Variants in LRMDA observed in about 807,000 individuals in gnomAD.
LRMDA encodes leucine rich melanocyte differentiation associated.
A neutral mutation model predicts 29.8 loss-of-function variants in LRMDA; 18 were observed. That is an observed-to-expected ratio of 0.60 (90% CI 0.42 to 0.90). The LOEUF is 0.90. Among genes scored for constraint, LRMDA ranks in the 40% least tolerant of loss-of-function variants. The pLI, the probability that LRMDA is intolerant of heterozygous loss-of-function variation, is 0.00. For synonymous variants in LRMDA, 125 were observed against 109.4 expected (o/e 1.14, Z -0.89); for missense variants, 273 against 273.9 (o/e 1.00, Z 0.02).
At chr10:75,694,182 A>T (rs770891605) in intron 2 of LRMDA, among the ~76,000 whole-genome samples, 3 of 152,208 alleles carry the variant, frequency 2.0e-5, no homozygotes, top group Non-Finnish European at 2.9e-5. Flanking sequence ...TATAATACAC[A>T]GTTAAACAGT....
At chr10:76,133,572 C>T (rs1190970012) in intron 5 of LRMDA, among the ~76,000 whole-genome samples, 1 of 151,994 alleles carries the variant, frequency 6.6e-6, no homozygotes, top group East Asian at 1.9e-4. Context: ...GAGGGGCCTG[C>T]AAACTCTGCT....
intron 5 of LRMDA, among the ~76,000 whole-genome samples, chr10:76,296,088 C>T (rs1170039090): frequency 6.6e-6 from 1 of 152,150 alleles, no homozygotes; most frequent in Non-Finnish European, 1.5e-5. Flanking sequence ...ATATGATCAC[C>T]ACACAGAACC....
chr10:75,892,719 G>C (rs1230203267), intron 2 of LRMDA, among the ~76,000 whole-genome samples: 2 of 152,164 alleles, frequency 1.3e-5, no homozygotes, highest in Non-Finnish European at 2.9e-5. Flanking sequence ...GAAGCTTGTG[G>C]TCAGGCCTCA....
In LRMDA at chr10:75,917,961, G is replaced by GCA. The variant is rs10552979; in HGVS notation, c.132-118024_132-118023dup. On this transcript the variant is annotated intron_variant, in intron 2 of 6. Coordinates refer to ENST00000611255, the MANE Select transcript of LRMDA (RefSeq NM_001305581.2). ...TGCACACCCACACATGCACATGTGC[G>GCA]CACACACACACACACACACACACAG... is the stretch of plus-strand genomic sequence containing the variant. Among the ~76,000 whole-genome samples, 1,456 of 150,024 alleles carry GCA rather than the reference G, an allele frequency of 9.7e-3. 16 individuals carry two copies. Among genetic ancestry groups the GCA allele is most frequent in the Non-Finnish European group, 0.012 (777 of 67,334 alleles).
intron 2 of LRMDA, among the ~76,000 whole-genome samples, chr10:75,738,939 C>A (rs1319656558): frequency 6.6e-6 from 1 of 152,182 alleles, no homozygotes; most frequent in Admixed American, 6.5e-5. Flanking sequence ...TTCTCGTTCA[C>A]AAGTCAGTGG....
chr10:75,626,154 A>C (rs1841247143), intron 2 of LRMDA, among the ~76,000 whole-genome samples: 1 of 151,540 alleles, frequency 6.6e-6, no homozygotes, highest in Non-Finnish European at 1.5e-5. Context: ...GAGCCACCAC[A>C]CCCGGCCAAG....
chr10:75,724,647 A>G (rs1323828502), intron 2 of LRMDA, among the ~76,000 whole-genome samples: 1 of 152,126 alleles, frequency 6.6e-6, no homozygotes, highest in Non-Finnish European at 1.5e-5. Context: ...CAGTTGCCCC[A>G]TCTCTAAATG....
intron 5 of LRMDA, among the ~76,000 whole-genome samples, chr10:76,130,776 C>T (rs1309431527): frequency 1.3e-5 from 2 of 152,172 alleles, no homozygotes; most frequent in African/African-American, 4.8e-5. Flanking sequence ...TCTCCTGCCT[C>T]GGCCTTCCAA....
intron 5 of LRMDA, among the ~76,000 whole-genome samples, chr10:76,076,526 A>G (rs1428125300): frequency 6.6e-6 from 1 of 152,076 alleles, no homozygotes; most frequent in African/African-American, 2.4e-5. Flanking sequence ...TTTTATCCTC[A>G]TGAGAGGATA....
At chr10:76,282,989 A>G (rs1330633770) in intron 5 of LRMDA, among the ~76,000 whole-genome samples, 1 of 152,180 alleles carries the variant, frequency 6.6e-6, no homozygotes, top group African/African-American at 2.4e-5. Flanking sequence ...AGAGGGAGAA[A>G]GAGGGGTCTT....
intron 2 of LRMDA, among the ~76,000 whole-genome samples, chr10:75,482,131 C>T (rs1210261449): frequency 1.3e-5 from 2 of 152,158 alleles, no homozygotes; most frequent in African/African-American, 4.8e-5. Flanking sequence ...AGTGTATACT[C>T]CTGACCACTG....
intron 2 of LRMDA, among the ~76,000 whole-genome samples, chr10:75,982,450 G>C (rs59095874): frequency 1.3e-5 from 2 of 152,102 alleles, no homozygotes; most frequent in Non-Finnish European, 2.9e-5. Flanking sequence ...TCCCATACAC[G>C]AGACCATTGT....
chr10:76,485,391 A>C (rs905634885), intron 6 of LRMDA, among the ~76,000 whole-genome samples: 10 of 151,918 alleles, frequency 6.6e-5, no homozygotes, highest in African/African-American at 2.4e-4. Flanking sequence ...ATACCACATT[A>C]TGGATAGTGT....
At chr10:75,553,593 T>C (rs1224174535) in intron 2 of LRMDA, among the ~76,000 whole-genome samples, 1 of 152,122 alleles carries the variant, frequency 6.6e-6, no homozygotes, top group Non-Finnish European at 1.5e-5. Context: ...GCATTTTCTG[T>C]CCCTCCTCCA....
chr10:75,590,152 G>A (rs1412550410), intron 2 of LRMDA, among the ~76,000 whole-genome samples: 2 of 151,886 alleles, frequency 1.3e-5, no homozygotes, highest in African/African-American at 4.8e-5. Context: ...CAAAGTAGCT[G>A]GGACGACAGG....
chr10:76,524,528 A>C (rs532338472), intron 6 of LRMDA, among the ~76,000 whole-genome samples: 34 of 152,316 alleles, frequency 2.2e-4, no homozygotes, highest in African/African-American at 8.2e-4. Context: ...ACTCTTTACC[A>C]GGTCATATTT....
intron 2 of LRMDA, among the ~76,000 whole-genome samples, chr10:75,951,339 T>C (rs2132420136): frequency 6.6e-6 from 1 of 152,254 alleles, no homozygotes; most frequent in South Asian, 2.1e-4. Flanking sequence ...AAGTGAGGAA[T>C]GCTGAGCCAC....
At chr10:76,286,498 A>G (rs943206410) in intron 5 of LRMDA, among the ~76,000 whole-genome samples, 1 of 152,216 alleles carries the variant, frequency 6.6e-6, no homozygotes, top group Non-Finnish European at 1.5e-5. Context: ...GTATCTTAGC[A>G]GCTCTGCTGA....
chr10:75,532,457 G>A (rs1845488674), intron 2 of LRMDA, among the ~76,000 whole-genome samples: 1 of 152,144 alleles, frequency 6.6e-6, no homozygotes, highest in African/African-American at 2.4e-5. Context: ...AAAGGGCTTG[G>A]GGAAAGTGCC....
Sources: allele counts gnomAD v4.1 joint callset (sites outside exome capture counted in the v4.1 genomes callset), GRCh38; gene constraint gnomAD v4.1.1; transcripts MANE v1.5; gene names NCBI Gene and HGNC (gene_info 2026-07-23, HGNC 2026-07-21).